The following STIM2 variants were observed in gnomAD, a reference collection of about 807,000 sequenced individuals.
STIM2 encodes the protein stromal interaction molecule 2.
A neutral mutation model predicts 85.8 loss-of-function variants in STIM2; 31 were observed. The ratio of observed to expected loss-of-function variants is 0.36; its 90% confidence interval spans 0.27 to 0.49. STIM2 has a LOEUF of 0.49. Among genes scored for constraint, STIM2 ranks in the 20% least tolerant of loss-of-function variants. The pLI is 0.98. For missense variants in STIM2, 841 were observed against 927.6 expected (o/e 0.91, Z 1.21); for synonymous variants, 356 against 331.1 (o/e 1.08, Z -0.82).
chr4:26,981,272 A>G (rs1420168048), intron 3 of STIM2, among the ~76,000 whole-genome samples: 1 of 152,178 alleles, frequency 6.6e-6, no homozygotes, highest in African/African-American at 2.4e-5. Flanking sequence ...AAATGAGTCA[A>G]CAAGTATATA....
chr4:26,962,024 T>C (rs1470246019), intron 3 of STIM2, among the ~76,000 whole-genome samples: 1 of 152,170 alleles, frequency 6.6e-6, no homozygotes, highest in African/African-American at 2.4e-5. Context: ...GTGCTAGGAT[T>C]ACAGGTGGGA....
At chr4:26,982,826 C>T (rs1000733571) in intron 3 of STIM2, among the ~76,000 whole-genome samples, 2 of 152,076 alleles carry the variant, frequency 1.3e-5, no homozygotes, top group Non-Finnish European at 2.9e-5. Flanking sequence ...TGATAAACTC[C>T]AATTTCAGTC....
chr4:26,999,209 G>A lies in STIM2; in HGVS notation c.510-23G>A, dbSNP rs375206008. 6.0e-6 allele frequency: 7 copies of A among 1,161,156 alleles called. No individual in the cohort carries two copies. The African/African-American group carries it at 6.3e-5, about 10-fold the overall frequency. The allele number at this position is 1,161,156 out of a possible 1,614,324, so 71.9% of individuals were successfully genotyped here. On this transcript the variant is annotated intron_variant, in intron 4 of 11. Coordinates refer to ENST00000467087, the MANE Select transcript of STIM2 (RefSeq NM_020860.4). ...TTTCATTTAATATATATATATATGT[G>A]TGTGTGTTTTTCAAATAAACAGGAT...
chr4:26,866,577 T>C lies in STIM2; in HGVS notation c.151+5208T>C, dbSNP rs534024473. On this transcript the variant is annotated intron_variant, in intron 1 of 11. Transcript: ENST00000467087. ...TGCAAGAATAGGGGATAAATACTTT[T>C]CTTTAGAGTTAAGTATAAGGTATAT... Among the ~76,000 whole-genome samples the C allele has an allele frequency of 2.6e-5, 4 of 152,288 alleles. No individual in the cohort carries two copies. The South Asian group carries it at 8.3e-4, about 32-fold the overall frequency.
intron 2 of STIM2, among the ~76,000 whole-genome samples, chr4:26,928,976 A>G (rs1468462385): frequency 6.6e-6 from 1 of 152,322 alleles, no homozygotes; most frequent in East Asian, 1.9e-4. Flanking sequence ...TACCTAAAAG[A>G]ATGTAGAAAT....
intron 3 of STIM2, among the ~76,000 whole-genome samples, chr4:26,960,584 A>G (rs144027676): frequency 3.4e-4 from 52 of 152,326 alleles, no homozygotes; most frequent in African/African-American, 1.2e-3. Context: ...GATGCTTAGT[A>G]ATTTAGTTGG....
chr4:26,967,785 G>C (rs7700108), intron 3 of STIM2, among the ~76,000 whole-genome samples: 52,696 of 151,786 alleles, frequency 0.35, 9,416 homozygotes, highest in East Asian at 0.63. Context: ...ATGCATCTTC[G>C]TAAGTGATTT....
intron 1 of STIM2, among the ~76,000 whole-genome samples, chr4:26,867,012 T>C (rs1430739613): frequency 6.6e-6 from 1 of 152,144 alleles, no homozygotes; most frequent in African/African-American, 2.4e-5. Context: ...TTGAGAAAGC[T>C]AATTCTGGGT....
rs1328672847 is a variant in STIM2, at chr4:27,008,917, C to A, written c.1404C>A (p.Pro468=). ...CTGATCACAGCTGGGTGGTGATGCC[C>A]AGAGTCTCCATTCCACCCTATCCAA... Residue 468 remains proline, a synonymous_variant, in exon 10 of 12, where the codon CCC becomes CCA. Coordinates refer to ENST00000467087, the MANE Select transcript of STIM2 (RefSeq NM_020860.4). 3.1e-6 allele frequency: 5 copies of A among 1,613,996 alleles called. No homozygotes were observed. In the Admixed American group the frequency reaches 8.3e-5, roughly 27 times the overall value.
At chr4:26,997,378 A>C (rs1727995388) in intron 4 of STIM2, among the ~76,000 whole-genome samples, 1 of 152,142 alleles carries the variant, frequency 6.6e-6, no homozygotes, top group South Asian at 2.1e-4. Flanking sequence ...TGTAGTGGTT[A>C]TCTTAAACCT....
chr4:26,983,443 T>C (rs1343269085), intron 3 of STIM2, among the ~76,000 whole-genome samples: 1 of 152,238 alleles, frequency 6.6e-6, no homozygotes, highest in Admixed American at 6.5e-5. Context: ...GAAAATGTTA[T>C]ATACCAGGTA....
chr4:26,966,873 A>G (rs765669488), intron 3 of STIM2, among the ~76,000 whole-genome samples: 19 of 152,258 alleles, frequency 1.2e-4, no homozygotes, highest in South Asian at 2.1e-4. Flanking sequence ...ATATCTTTCT[A>G]TCTTTCTCAT....
At chr4:26,998,247 A>T (rs535585876) in intron 4 of STIM2, among the ~76,000 whole-genome samples, 1 of 152,224 alleles carries the variant, frequency 6.6e-6, no homozygotes, top group African/African-American at 2.4e-5. Context: ...GGTTGCTTGT[A>T]TTTACAGTCC....
intron 1 of STIM2, among the ~76,000 whole-genome samples, chr4:26,876,645 C>T (rs968302034): frequency 6.6e-6 from 1 of 152,068 alleles, no homozygotes; most frequent in Non-Finnish European, 1.5e-5. Context: ...AACCAAATGC[C>T]TTTATTTAAT....
At chr4:27,015,597 A>G (rs1452976578) in intron 10 of STIM2, among the ~76,000 whole-genome samples, 1 of 152,046 alleles carries the variant, frequency 6.6e-6, no homozygotes, top group Non-Finnish European at 1.5e-5. Context: ...CCAGATTAAC[A>G]ATTAGTTTTC....
chr4:26,880,643 G>GTAAATATATATATAAATATATATT (rs1405360128), intron 1 of STIM2, among the ~76,000 whole-genome samples: 1 of 144,888 alleles, frequency 6.9e-6, no homozygotes, highest in Admixed American at 6.9e-5. Flanking sequence ...AAATATATAT[G>GTAAATATATATATAAATATATATT]TAAATATATA....
At chr4:26,874,053 C>A in intron 1 of STIM2, 2 of 666,842 alleles carry the variant, frequency 3.0e-6, no homozygotes, top group Non-Finnish European at 5.7e-6. Context: ...CTCCTGGATT[C>A]TCTGGGACTT....
rs542974575 is a variant in STIM2, at chr4:27,000,395, T to A, written c.625+1048T>A. 5.3e-5 allele frequency among the ~76,000 whole-genome samples: 8 copies of A among 152,320 alleles called. No individual in the cohort carries two copies. The East Asian group carries it at 1.5e-3, about 29-fold the overall frequency. On this transcript the variant is annotated intron_variant, in intron 5 of 11. Transcript: ENST00000467087. Reference sequence around the variant, plus strand: ...CACTACTGAAATGCCGAGCGTTCCATAGAGATGATGCCCTTTCCAACCTTT... The same window carrying A: ...CACTACTGAAATGCCGAGCGTTCCAAAGAGATGATGCCCTTTCCAACCTTT...
chr4:27,017,395 G>T (rs1429240430), intron 10 of STIM2, among the ~76,000 whole-genome samples: 1 of 152,114 alleles, frequency 6.6e-6, no homozygotes, highest in Non-Finnish European at 1.5e-5. Context: ...ATACAATACA[G>T]GTTTTTAAAT....
Sources: gnomAD v4.1 joint callset for allele counts (sites outside exome capture counted in the v4.1 genomes callset) on GRCh38, gnomAD v4.1.1 for gene constraint, MANE v1.5 for transcripts, NCBI Gene and HGNC (gene_info 2026-07-23, HGNC 2026-07-21) for gene names.